Variants in GPR39 observed in about 807,000 individuals in gnomAD.
GPR39 encodes the protein G protein-coupled receptor 39, also known as zinc sensing receptor.
A neutral mutation model predicts 18.4 loss-of-function variants in GPR39; 23 were observed. The ratio of observed to expected loss-of-function variants is 1.25; its 90% CI spans 0.90 to 1.77. GPR39 has a LOEUF of 1.77. Ranked by LOEUF, GPR39 falls within the 40% of genes most tolerant of loss-of-function variation. The pLI, the probability that GPR39 is intolerant of heterozygous loss-of-function variation, is 0.00. For synonymous variants in GPR39, 280 were observed against 257.9 expected (o/e 1.09, Z -0.82); for missense variants, 647 against 602.4 (o/e 1.07, Z -0.78).
chr2:132,569,634 T>TG (rs1406148625), intron 1 of GPR39, among the ~76,000 whole-genome samples: 105 of 97,578 alleles, frequency 1.1e-3, no homozygotes, highest in African/African-American at 1.9e-3. Context: ...GCAGTGGGGG[T>TG]GGGGGGGGTC....
At chr2:132,628,196 A>G (rs556104663) in intron 1 of GPR39, among the ~76,000 whole-genome samples, 24 of 152,296 alleles carry the variant, frequency 1.6e-4, no homozygotes, top group Middle Eastern at 3.4e-3. Context: ...CTGGAGCCTA[A>G]TGTCCTGGAG....
intron 1 of GPR39, among the ~76,000 whole-genome samples, chr2:132,465,425 T>C (rs1185336789): frequency 6.6e-6 from 1 of 152,078 alleles, no homozygotes; most frequent in Non-Finnish European, 1.5e-5. Context: ...CTGTACCCCC[T>C]CTCCAAACTA....
chr2:132,539,376 A>G (rs1439178781), intron 1 of GPR39, among the ~76,000 whole-genome samples: 1 of 152,150 alleles, frequency 6.6e-6, no homozygotes, highest in East Asian at 1.9e-4. Flanking sequence ...GATCACACCC[A>G]CTGCCTAACC....
At chr2:132,583,160 T>TGGAAG (rs1680659034) in intron 1 of GPR39, among the ~76,000 whole-genome samples, 1 of 151,976 alleles carries the variant, frequency 6.6e-6, no homozygotes, top group Non-Finnish European at 1.5e-5. Flanking sequence ...TGATCCTCCT[T>TGGAAG]CCTCAGCCTT....
At chr2:132,538,111 G>T (rs1017850554) in intron 1 of GPR39, among the ~76,000 whole-genome samples, 1 of 152,024 alleles carries the variant, frequency 6.6e-6, no homozygotes, top group Non-Finnish European at 1.5e-5. Context: ...GCAGTCATTC[G>T]GAGGAGAAGA....
intron 1 of GPR39, among the ~76,000 whole-genome samples, chr2:132,489,735 G>A (rs566359916): frequency 2.6e-5 from 4 of 151,854 alleles, no homozygotes; most frequent in Non-Finnish European, 5.9e-5. Context: ...TTTTATATAT[G>A]CACTGCAGTG....
At chr2:132,637,161 A>G (rs935386757) in intron 1 of GPR39, among the ~76,000 whole-genome samples, 1 of 152,248 alleles carries the variant, frequency 6.6e-6, no homozygotes, top group Non-Finnish European at 1.5e-5. Flanking sequence ...CTAAACCACA[A>G]TGATGACCCT....
At chr2:132,438,857 C>T (rs1162628861) in intron 1 of GPR39, among the ~76,000 whole-genome samples, 1 of 152,144 alleles carries the variant, frequency 6.6e-6, no homozygotes, top group Non-Finnish European at 1.5e-5. Flanking sequence ...AAGTAGGCCT[C>T]CATTAGTCAT....
At chr2:132,508,338 C>A (rs868080676) in intron 1 of GPR39, among the ~76,000 whole-genome samples, 6 of 152,014 alleles carry the variant, frequency 3.9e-5, no homozygotes, top group Admixed American at 2.0e-4. Flanking sequence ...GACTCTCAAC[C>A]CCCTTCTCTC....
chr2:132,575,867 T>C (rs554482952), intron 1 of GPR39, among the ~76,000 whole-genome samples: 3 of 152,046 alleles, frequency 2.0e-5, no homozygotes, highest in Non-Finnish European at 4.4e-5. Flanking sequence ...TGAGTGGTGG[T>C]TGGGTAATGA....
At chr2:132,632,010 C>T (rs925770853) in intron 1 of GPR39, among the ~76,000 whole-genome samples, 9 of 151,942 alleles carry the variant, frequency 5.9e-5, no homozygotes, top group African/African-American at 1.9e-4. Context: ...TTACTAGAGA[C>T]GGGGCTTGCC....
intron 1 of GPR39, among the ~76,000 whole-genome samples, chr2:132,437,966 G>A (rs560002401): frequency 6.6e-6 from 1 of 152,200 alleles, no homozygotes; most frequent in Non-Finnish European, 1.5e-5. Flanking sequence ...ACTGTTTGGT[G>A]AACCATGAAG....
chr2:132,431,827 G>A (rs1270525164), intron 1 of GPR39, among the ~76,000 whole-genome samples: 1 of 152,212 alleles, frequency 6.6e-6, no homozygotes, highest in African/African-American at 2.4e-5. Flanking sequence ...TGTGGCTGCT[G>A]TAACAAGTTA....
chr2:132,424,152 G>A (rs1303054765), intron 1 of GPR39, among the ~76,000 whole-genome samples: 1 of 152,168 alleles, frequency 6.6e-6, no homozygotes, highest in Non-Finnish European at 1.5e-5. Context: ...ATGTATATCT[G>A]CCAGAAGTAA....
chr2:132,580,580 A>G (rs1680605672), intron 1 of GPR39, among the ~76,000 whole-genome samples: 2 of 152,182 alleles, frequency 1.3e-5, no homozygotes, highest in Non-Finnish European at 2.9e-5. Context: ...GAGAGGTTCC[A>G]CCATATCCCA....
intron 1 of GPR39, among the ~76,000 whole-genome samples, chr2:132,546,200 G>A (rs1679945585): frequency 6.6e-6 from 1 of 152,118 alleles, no homozygotes. Flanking sequence ...TCACTCCCAG[G>A]GCTTGTTCAA....
intron 1 of GPR39, among the ~76,000 whole-genome samples, chr2:132,603,975 A>G (rs1161758788): frequency 6.6e-6 from 1 of 152,178 alleles, no homozygotes; most frequent in Non-Finnish European, 1.5e-5. Context: ...GGATGTGAAC[A>G]TGTGTGTGTT....
At chr2:132,467,859 T>C (rs544072793) in intron 1 of GPR39, among the ~76,000 whole-genome samples, 3 of 152,320 alleles carry the variant, frequency 2.0e-5, no homozygotes, top group African/African-American at 7.2e-5. Flanking sequence ...TTCATACCCC[T>C]TTAGAGGGAG....
At chr2:132,561,896 G>A (rs1225271324) in intron 1 of GPR39, among the ~76,000 whole-genome samples, 1 of 152,138 alleles carries the variant, frequency 6.6e-6, no homozygotes, top group Non-Finnish European at 1.5e-5. Context: ...TTCCATTTAG[G>A]CTTTCAGCTG....
Sources: allele counts gnomAD v4.1 joint callset (sites outside exome capture counted in the v4.1 genomes callset), GRCh38; gene constraint gnomAD v4.1.1; transcripts MANE v1.5; gene names NCBI Gene and HGNC (gene_info 2026-07-23, HGNC 2026-07-21).